Variants in TNFRSF19 observed in about 807,000 individuals in gnomAD.
TNFRSF19 encodes tumor necrosis factor receptor superfamily member 19.
TNFRSF19 carries 27 observed loss-of-function variants against 46.4 expected under a neutral mutation model. That is an observed-to-expected ratio of 0.58 (90% CI 0.43 to 0.80). TNFRSF19 has a LOEUF of 0.80. TNFRSF19 is among the 30% of genes least tolerant of loss of function. The pLI, the probability that TNFRSF19 is intolerant of heterozygous loss-of-function variation, is 0.00. For synonymous variants in TNFRSF19, 204 were observed against 205.0 expected (o/e 1.00, Z 0.04); for missense variants, 511 against 530.8 (o/e 0.96, Z 0.37).
chr13:23,608,042 C>T (rs1046232620), intron 3 of TNFRSF19, among the ~76,000 whole-genome samples: 4 of 152,140 alleles, frequency 2.6e-5, no homozygotes, highest in South Asian at 2.1e-4. Context: ...CTTCTGGAAT[C>T]GTATTCCTGG....
At chr13:23,634,915 C>T (rs1237420080) in intron 5 of TNFRSF19, among the ~76,000 whole-genome samples, 2 of 152,030 alleles carry the variant, frequency 1.3e-5, no homozygotes, top group Admixed American at 6.6e-5. Flanking sequence ...ACTTGAGTAC[C>T]GTCGTTTTTG....
At chr13:23,645,327 A>C (rs1883268009) in intron 5 of TNFRSF19, among the ~76,000 whole-genome samples, 1 of 152,032 alleles carries the variant, frequency 6.6e-6, no homozygotes, top group Non-Finnish European at 1.5e-5. Context: ...TCAGCCTCCC[A>C]AGTAGCTGGG....
intron 3 of TNFRSF19, among the ~76,000 whole-genome samples, chr13:23,598,060 ACT>A (rs1210038313): frequency 6.6e-6 from 1 of 152,032 alleles, no homozygotes; most frequent in Non-Finnish European, 1.5e-5. Context: ...CATGCTAAAA[ACT>A]CTCAATAAAC....
Position 23,616,009 on chromosome 13 carries a change from C to A in TNFRSF19, c.323C>A (p.Ala108Asp), listed in dbSNP as rs763536451. 1 of 1,612,042 alleles carries A rather than the reference C, an allele frequency of 6.2e-7. No individual in the cohort carries two copies. Among genetic ancestry groups the A allele is most frequent in the Non-Finnish European group, 8.5e-7 (1 of 1,178,392 alleles). ...CGCTTTCAGAAGGCAAATTGTTCAG[C>A]CACCAGTGATGCCATCTGCGGGGAC... ...VNRFQKANCS[A>D]TSDAICGDCL... The change falls in exon 4 of 10, where the codon GCC becomes GAC. Residue 108 changes from alanine to aspartate, a missense_variant. Physicochemically the swap from Ala to Asp is moderately radical, Grantham distance 126. Transcript: ENST00000248484.
intron 4 of TNFRSF19, 79 bp downstream of exon 4, chr13:23,616,124 A>G: frequency 2.2e-6 from 3 of 1,389,762 alleles, no homozygotes; most frequent in South Asian, 1.4e-5. Flanking sequence ...TTCCATTCTA[A>G]ACTGGAATGC....
chr13:23,589,454 T>A (rs3829351), intron 1 of TNFRSF19, among the ~76,000 whole-genome samples: 11,974 of 152,334 alleles, frequency 0.079, 697 homozygotes, highest in East Asian at 0.28. Flanking sequence ...CAAAATATTG[T>A]CTGTCTGCTT....
At chr13:23,604,984 G>T (rs1880415354) in intron 3 of TNFRSF19, among the ~76,000 whole-genome samples, 1 of 152,094 alleles carries the variant, frequency 6.6e-6, no homozygotes, top group African/African-American at 2.4e-5. Flanking sequence ...AATTAAAATT[G>T]AAAATTTCCA....
At chr13:23,624,099 C>T (rs1881841481) in intron 4 of TNFRSF19, among the ~76,000 whole-genome samples, 2 of 152,096 alleles carry the variant, frequency 1.3e-5, no homozygotes, top group Admixed American at 1.3e-4. Flanking sequence ...TAATCTGTTG[C>T]ATGTGGATGT....
chr13:23,639,800 T>A (rs1220644549), intron 5 of TNFRSF19, among the ~76,000 whole-genome samples: 3 of 152,170 alleles, frequency 2.0e-5, no homozygotes, highest in Admixed American at 1.3e-4. Flanking sequence ...CCCAGAGGAT[T>A]TGGAAAGACC....
At position 23,580,897 on chromosome 13, in the gene TNFRSF19, T is replaced by C. The variant is rs76822422; in HGVS notation, c.-34-9253T>C. ...AAATGTCTTACCATATCTACTTTAT[T>C]ACCAAAGCCACATGGCTTTACTGAC... On this transcript the variant is annotated intron_variant, in intron 1 of 9. Transcript: ENST00000248484. Among the ~76,000 whole-genome samples the C allele has an allele frequency of 3.2e-3, 482 of 152,372 alleles. 2 individuals are homozygous for C. Among genetic ancestry groups the C allele is most frequent in the African/African-American group, 0.011 (443 of 41,588 alleles).
chr13:23,600,781 G>T (rs1363298195), intron 3 of TNFRSF19, among the ~76,000 whole-genome samples: 1 of 152,154 alleles, frequency 6.6e-6, no homozygotes, highest in African/African-American at 2.4e-5. Flanking sequence ...GCACAGGCCT[G>T]CACAGGACTA....
At position 23,675,328 on chromosome 13, in the gene TNFRSF19, C is replaced by T. The variant is rs1223294195; in HGVS notation, c.*1948C>T. 1 of 152,190 alleles carries T rather than the reference C, an allele frequency of 6.6e-6. No individual in the cohort carries two copies. The highest frequency in any genetic ancestry group is 1.5e-5 in the Non-Finnish European group (1 of 68,046). 9.4% of individuals were successfully genotyped at this position (152,190 alleles called of 1,614,324 possible). A position where few individuals can be genotyped will look rare whatever the true frequency, so the allele number is the denominator to read the frequency against. ...AGAGAGATGATGAAAGTAGGCAGGG[C>T]TGTGTTCCTTTGTGTAGCCTGTATA... On this transcript the variant is annotated 3_prime_UTR_variant, in exon 10 of 10. Coordinates refer to ENST00000248484, the MANE Select transcript of TNFRSF19 (RefSeq NM_148957.4).
rs189577061 is a variant in TNFRSF19, at chr13:23,645,588, A to T, written c.446-13462A>T. Among the ~76,000 whole-genome samples, 470 of 152,202 alleles carry T rather than the reference A, an allele frequency of 3.1e-3. 2 individuals are homozygous for T. Among genetic ancestry groups the T allele is most frequent in the African/African-American group, 0.011 (461 of 41,526 alleles). On this transcript the variant is annotated intron_variant, in intron 5 of 9. Coordinates refer to ENST00000248484, the MANE Select transcript of TNFRSF19 (RefSeq NM_148957.4). ...TGTGTTTCTTGAAATATGTTTTTTT[A>T]TACCTGCTTGTTTTCCCCTTATCTC... is the stretch of plus-strand genomic sequence containing the variant.
chr13:23,585,032 T>A (rs1462911208), intron 1 of TNFRSF19, among the ~76,000 whole-genome samples: 1 of 152,188 alleles, frequency 6.6e-6, no homozygotes, highest in African/African-American at 2.4e-5. Context: ...CATTCGTGAT[T>A]ATGTTGTGCC....
At chr13:23,611,303 A>G (rs1043103174) in intron 3 of TNFRSF19, among the ~76,000 whole-genome samples, 3 of 152,174 alleles carry the variant, frequency 2.0e-5, no homozygotes, top group Non-Finnish European at 4.4e-5. Flanking sequence ...CTCCACTCCA[A>G]ATACAGCACA....
rs574296053 is a variant in TNFRSF19, at chr13:23,586,151, C to T, written c.-34-3999C>T. On this transcript the variant is annotated intron_variant, in intron 1 of 9. Coordinates refer to ENST00000248484, the MANE Select transcript of TNFRSF19 (RefSeq NM_148957.4). ...CGGGCACCTGTAGTCCCAGCTACTC[C>T]GGAGGCTGAGGTAGGAGAATGGTGT... is the stretch of plus-strand genomic sequence containing the variant. Among the ~76,000 whole-genome samples the T allele has an allele frequency of 3.4e-5, 5 of 146,340 alleles. No individual in the cohort carries two copies. The East Asian group carries it at 8.0e-4, about 24-fold the overall frequency.
rs767740037 is a variant in TNFRSF19, at chr13:23,591,890, CTA to C, written c.70-1454_70-1453del. ...TACAGGTGCGCACCACCACACCTAG[CTA>C]ATTTTTGTATTTTTGGTAGAGACAA... is the stretch of plus-strand genomic sequence containing the variant. On this transcript the variant is annotated intron_variant, in intron 2 of 9. Transcript: ENST00000248484. Among the ~76,000 whole-genome samples, 11 of 152,012 alleles carry C rather than the reference CTA, an allele frequency of 7.2e-5. No homozygotes were observed. In the South Asian group the frequency reaches 1.2e-3, roughly 17 times the overall value.
rs2138432150 is a variant in TNFRSF19 at position 23,674,901 on chromosome 13, C to T, written c.*1521C>T. Reference sequence around the variant, plus strand: ...TTTAATGAGCCCTCTTTCTTGTGGCCGTTTCTCCATAGTTTTAGGTTTTGA... The same window carrying T: ...TTTAATGAGCCCTCTTTCTTGTGGCTGTTTCTCCATAGTTTTAGGTTTTGA... On this transcript the variant is annotated 3_prime_UTR_variant, in exon 10 of 10. Coordinates refer to ENST00000248484, the MANE Select transcript of TNFRSF19 (RefSeq NM_148957.4). The T allele has an allele frequency of 6.6e-6, 1 of 152,124 alleles. No individual in the cohort carries two copies. The highest frequency in any genetic ancestry group is 1.5e-5 in the Non-Finnish European group (1 of 68,004). 9.4% of individuals were successfully genotyped at this position (152,124 alleles called of 1,614,324 possible). A position where few individuals can be genotyped will look rare whatever the true frequency, so the allele number is the denominator to read the frequency against.
rs1951789488 is a variant in TNFRSF19 at position 23,673,627 on chromosome 13, A to G, written c.*247A>G. On this transcript the variant is annotated 3_prime_UTR_variant, in exon 10 of 10. Transcript: ENST00000248484. ...TCATGATACTCTGCATCTTTCCTACATGAGAAGCTTCTCTGCCACAAAAGT... is the reference window on the plus strand; with the variant it reads ...TCATGATACTCTGCATCTTTCCTACGTGAGAAGCTTCTCTGCCACAAAAGT... 3.5e-6 allele frequency: 4 copies of G among 1,142,136 alleles called. No individual in the cohort carries two copies. The highest frequency in any genetic ancestry group is 4.4e-6 in the Non-Finnish European group (4 of 909,790). 70.8% of individuals were successfully genotyped at this position (1,142,136 alleles called of 1,614,324 possible).
Sources: gnomAD v4.1 joint callset for allele counts (sites outside exome capture counted in the v4.1 genomes callset) on GRCh38, gnomAD v4.1.1 for gene constraint, MANE v1.5 for transcripts, NCBI Gene and HGNC (gene_info 2026-07-23, HGNC 2026-07-21) for gene names.